PFKFB1: variants seen among roughly 807,000 people sequenced by gnomAD.
PFKFB1 encodes the protein 6-phosphofructo-2-kinase/fructose-2,6-bisphosphatase 1.
In PFKFB1, 34 loss-of-function variants were observed where a neutral mutation model predicts 46.4. The ratio of observed to expected loss-of-function variants is 0.73; its 90% CI spans 0.56 to 0.98. PFKFB1 has a LOEUF of 0.98. Among genes scored for constraint, PFKFB1 ranks in the 50% least tolerant of loss-of-function variants. The pLI is 0.00. For synonymous variants in PFKFB1, 119 were observed against 133.8 expected (o/e 0.89, Z 0.76); for missense variants, 393 against 376.3 (o/e 1.04, Z -0.37).
chrX:54,988,412 T>C (rs1259907247), intron 1 of PFKFB1, among the ~76,000 whole-genome samples: 2 of 111,708 alleles, frequency 1.8e-5, no homozygotes, highest in Non-Finnish European at 3.8e-5. Flanking sequence ...CCCTAACTAA[T>C]CTATAGATTA....
intron 1 of PFKFB1, among the ~76,000 whole-genome samples, chrX:54,964,386 A>G (rs998683213): frequency 3.6e-5 from 4 of 110,407 alleles, no homozygotes; most frequent in African/African-American, 1.4e-4. Context: ...TAAGAGATAT[A>G]TTATCTCCAG....
intron 10 of PFKFB1, among the ~76,000 whole-genome samples, chrX:54,938,800 T>C (rs1329602557): frequency 7.2e-5 from 8 of 111,434 alleles, no homozygotes; most frequent in Non-Finnish European, 3.8e-5. Context: ...TGAGAGACTT[T>C]AACACCCACT....
chrX:54,998,573 G>A, upstream of PFKFB1: 1 of 487,048 alleles, frequency 2.1e-6, no homozygotes, highest in Non-Finnish European at 3.5e-6. Context: ...AGTGGGGGAT[G>A]TATGTGCTCT....
rs1236223334 is a variant in PFKFB1 at position 54,952,059 on chromosome X, C to T, written c.692G>A (p.Arg231Gln). 3 of 1,209,646 alleles carry T rather than the reference C, an allele frequency of 2.5e-6. No individual in the cohort carries two copies. The highest frequency in any genetic ancestry group is 3.0e-5 in the East Asian group (1 of 33,764). ...GCGGCTCTGGATGTGATCCTGCACT[C>T]GGTTCACCATGTAGCGTGTGCCCAC... is the stretch of plus-strand genomic sequence containing the variant. ...FDVGTRYMVN[R>Q]VQDHIQSRTV... is the part of the protein sequence containing the mutation. Residue 231 changes from arginine to glutamine, a missense_variant, in exon 8 of 14, where the codon CGA becomes CAA. Arg to Gln is a conservative substitution (Grantham distance 43, BLOSUM62 1). Transcript: ENST00000375006.
At chrX:54,938,980 C>A (rs1933510183) in intron 10 of PFKFB1, among the ~76,000 whole-genome samples, 1 of 111,477 alleles carries the variant, frequency 9.0e-6, no homozygotes, top group African/African-American at 3.3e-5. Context: ...AATTGACCAC[C>A]TGGTTGGAAG....
chrX:54,941,022 T>C (rs1602176898), intron 10 of PFKFB1, among the ~76,000 whole-genome samples: 1 of 111,930 alleles, frequency 8.9e-6, no homozygotes, highest in African/African-American at 3.3e-5. Flanking sequence ...CAAAACAGCA[T>C]GGTGCTGGTA....
intron 1 of PFKFB1, among the ~76,000 whole-genome samples, chrX:54,993,180 A>T (rs1935288690): frequency 8.9e-6 from 1 of 111,900 alleles, no homozygotes; most frequent in African/African-American, 3.3e-5. Context: ...ATCTATGGGA[A>T]ATGGTACACT....
At chrX:54,945,002 G>A (rs1202596781) in intron 10 of PFKFB1, among the ~76,000 whole-genome samples, 1 of 112,036 alleles carries the variant, frequency 8.9e-6, no homozygotes, top group Non-Finnish European at 1.9e-5. Flanking sequence ...CTGATGGTCT[G>A]GTTCATGTAG....
At chrX:54,998,461 T>C (rs941400456), upstream of PFKFB1, 9 of 1,140,864 alleles carry the variant, frequency 7.9e-6, no homozygotes, top group African/African-American at 1.4e-4. Context: ...TCGGTTCTCT[T>C]GCATTTACAG....
At chrX:54,987,539 A>G (rs928837037) in intron 1 of PFKFB1, among the ~76,000 whole-genome samples, 3 of 110,987 alleles carry the variant, frequency 2.7e-5, no homozygotes, top group Non-Finnish European at 5.7e-5. Flanking sequence ...AATCCCCACA[A>G]AACACTAGCA....
intron 1 of PFKFB1, among the ~76,000 whole-genome samples, chrX:54,973,557 T>G (rs1335026096): frequency 1.8e-5 from 2 of 111,647 alleles, no homozygotes; most frequent in Non-Finnish European, 3.8e-5. Flanking sequence ...TCTCGTTGGT[T>G]TCAAAGAACA....
At chrX:54,941,695 A>G (rs1292414279) in intron 10 of PFKFB1, among the ~76,000 whole-genome samples, 1 of 112,145 alleles carries the variant, frequency 8.9e-6, no homozygotes, top group East Asian at 2.8e-4. Flanking sequence ...ACAATGAGAT[A>G]CCATCTCACA....
intron 1 of PFKFB1, among the ~76,000 whole-genome samples, chrX:54,974,798 T>C (rs961503051): frequency 3.6e-5 from 4 of 111,094 alleles, no homozygotes; most frequent in Non-Finnish European, 7.6e-5. Flanking sequence ...GCAAAGGACA[T>C]GAATATAGAA....
upstream of PFKFB1, among the ~76,000 whole-genome samples, chrX:54,998,236 T>A (rs1022083155): frequency 8.9e-6 from 1 of 112,151 alleles, no homozygotes; most frequent in Non-Finnish European, 1.9e-5. Context: ...TTTAAAAATA[T>A]ACAGACAGAT....
chrX:54,948,845 A>C (rs1933880174), intron 9 of PFKFB1, among the ~76,000 whole-genome samples: 1 of 111,902 alleles, frequency 8.9e-6, no homozygotes, highest in Non-Finnish European at 1.9e-5. Flanking sequence ...TCACACTGAG[A>C]TGTAATGTCC....
At chrX:54,956,398 T>C in intron 6 of PFKFB1, 124 bp from the exon 7 acceptor site, 10 of 833,440 alleles carry the variant, frequency 1.2e-5, no homozygotes, top group Non-Finnish European at 1.7e-5. Context: ...AATTGAGACC[T>C]GGAGAACACA....
intron 1 of PFKFB1, among the ~76,000 whole-genome samples, chrX:54,966,544 T>A (rs1366816674): frequency 3.6e-5 from 4 of 111,877 alleles, no homozygotes; most frequent in African/African-American, 1.3e-4. Flanking sequence ...ATTTACTCCT[T>A]CTTTGGTTCC....
chrX:54,981,328 GCAAT>G (rs1304990338), intron 1 of PFKFB1, among the ~76,000 whole-genome samples: 1 of 111,114 alleles, frequency 9.0e-6, no homozygotes, highest in Non-Finnish European at 1.9e-5. Context: ...ATCTTAAAAA[GCAAT>G]CAAAGATAAA....
chrX:54,947,117 T>C (rs1933832152), intron 9 of PFKFB1, among the ~76,000 whole-genome samples: 1 of 111,469 alleles, frequency 9.0e-6, no homozygotes, highest in Admixed American at 9.6e-5. Context: ...TCCCTATCCC[T>C]GTCTCTCTGC....
Sources: allele counts gnomAD v4.1 joint callset (sites outside exome capture counted in the v4.1 genomes callset), GRCh38; gene constraint gnomAD v4.1.1; transcripts MANE v1.5; gene names NCBI Gene and HGNC (gene_info 2026-07-23, HGNC 2026-07-21).